Variants in ALMS1 observed in about 807,000 individuals in gnomAD.
ALMS1 encodes the protein centrosome-associated protein ALMS1.
In ALMS1, 271 loss-of-function variants were observed where a neutral mutation model predicts 352.2. That is an observed-to-expected ratio of 0.77 (90% CI 0.70 to 0.85). The LOEUF is 0.85. ALMS1 is among the 40% of genes least tolerant of loss of function. The pLI is 0.00. For missense variants in ALMS1, 5,445 were observed against 4,870.7 expected, an observed-to-expected ratio of 1.12 and a Z score of -3.51; for synonymous variants, 1,865 against 1,761.2, an observed-to-expected ratio of 1.06 and a Z score of -1.48.
At chr2:73,443,231 A>G (rs1172586701) in intron 7 of ALMS1, among the ~76,000 whole-genome samples, 1 of 152,152 alleles carries the variant, frequency 6.6e-6, no homozygotes, top group African/African-American at 2.4e-5. Flanking sequence ...TAAACTCCTT[A>G]GTACATAGTA....
At chr2:73,603,704 AC>A (rs1675751254) in intron 21 of ALMS1, 1 of 260,994 alleles carries the variant, frequency 3.8e-6, no homozygotes, top group Admixed American at 5.1e-5. Flanking sequence ...TACTCAAAAT[AC>A]AAAAATTAGC....
Position 73,490,081 on chromosome 2 carries a change from A to C in ALMS1, c.8122A>C (p.Met2708Leu), listed in dbSNP as rs371904071. ...ATCACAAATGCCGTCCCCAGAACCCATGAAAAAGTTTACTACCTCCATCAC... is the reference window on the plus strand; with the variant it reads ...ATCACAAATGCCGTCCCCAGAACCCCTGAAAAAGTTTACTACCTCCATCAC... Reference protein sequence around the residue: ...SSSQMPSPEPMKKFTTSITFS... With the variant: ...SSSQMPSPEPLKKFTTSITFS... The change falls in exon 10 of 23, where the codon ATG becomes CTG. Residue 2708 changes from methionine to leucine, a missense_variant. Coordinates refer to ENST00000613296, the MANE Select transcript of ALMS1 (RefSeq NM_001378454.1). 10 of 1,614,092 alleles carry C rather than the reference A, an allele frequency of 6.2e-6. No individual in the cohort carries two copies. The highest frequency in any genetic ancestry group is 1.3e-5 in the African/African-American group (1 of 74,932).
At chr2:73,521,116 A>G (rs1177935289) in intron 11 of ALMS1, among the ~76,000 whole-genome samples, 1 of 152,134 alleles carries the variant, frequency 6.6e-6, no homozygotes, top group African/African-American at 2.4e-5. Flanking sequence ...ATTCTTGAAC[A>G]TTTTTCTTGT....
At chr2:73,551,846 T>A (rs1674442629) in intron 13 of ALMS1, among the ~76,000 whole-genome samples, 1 of 152,224 alleles carries the variant, frequency 6.6e-6, no homozygotes, top group African/African-American at 2.4e-5. Context: ...CTGAAAATTC[T>A]GTGTGTATAA....
At chr2:73,569,699 C>G (rs1045852554) in intron 15 of ALMS1, among the ~76,000 whole-genome samples, 2 of 152,170 alleles carry the variant, frequency 1.3e-5, no homozygotes, top group African/African-American at 4.8e-5. Flanking sequence ...GCCATACATA[C>G]TGAATATTTG....
intron 1 of ALMS1, among the ~76,000 whole-genome samples, chr2:73,392,734 A>G (rs1670676170): frequency 6.6e-6 from 1 of 152,124 alleles, no homozygotes; most frequent in Non-Finnish European, 1.5e-5. Flanking sequence ...GATATTTTGT[A>G]TATCCATTCA....
chr2:73,498,211 A>G (rs1673148775), intron 10 of ALMS1, among the ~76,000 whole-genome samples: 1 of 151,810 alleles, frequency 6.6e-6, no homozygotes, highest in Non-Finnish European at 1.5e-5. Context: ...GGTGGCTGCT[A>G]ACTGCTCTGG....
chr2:73,601,763 G>A (rs1460403163), intron 19 of ALMS1, among the ~76,000 whole-genome samples: 2 of 152,254 alleles, frequency 1.3e-5, no homozygotes, highest in Non-Finnish European at 2.9e-5. Flanking sequence ...GGCCTCATGT[G>A]TGTTCCTCCA....
At chr2:73,494,732 A>G (rs2103906268) in intron 10 of ALMS1, among the ~76,000 whole-genome samples, 1 of 152,334 alleles carries the variant, frequency 6.6e-6, no homozygotes, top group East Asian at 1.9e-4. Context: ...ATGTTGATAT[A>G]CATTACTGGT....
intron 16 of ALMS1, among the ~76,000 whole-genome samples, chr2:73,579,559 C>T (rs1228002155): frequency 6.6e-6 from 1 of 152,066 alleles, no homozygotes; most frequent in Admixed American, 6.6e-5. Context: ...GTGGTTTCAC[C>T]GTGTTGGCCA....
chr2:73,463,243 C>T (rs1405771608), intron 9 of ALMS1, among the ~76,000 whole-genome samples: 1 of 152,142 alleles, frequency 6.6e-6, no homozygotes, highest in Non-Finnish European at 1.5e-5. Flanking sequence ...GAAATTATAA[C>T]AAACTATCTC....
chr2:73,533,871 G>T (rs1382992311), intron 11 of ALMS1, among the ~76,000 whole-genome samples: 1 of 152,158 alleles, frequency 6.6e-6, no homozygotes, highest in African/African-American at 2.4e-5. Flanking sequence ...TTAGCAGTCA[G>T]TACTTTTTTG....
chr2:73,385,799 T>G (rs1670501493), upstream of ALMS1: 1 of 652,582 alleles, frequency 1.5e-6, no homozygotes, highest in Non-Finnish European at 2.7e-6. Flanking sequence ...CAACCGCCAG[T>G]CAGGGCTCTC....
At chr2:73,562,150 T>C (rs1674677838) in intron 15 of ALMS1, among the ~76,000 whole-genome samples, 1 of 110,924 alleles carries the variant, frequency 9.0e-6, no homozygotes, top group South Asian at 3.0e-4. Flanking sequence ...ATTGTATGTA[T>C]GTATGTATGT....
chr2:73,397,632 T>A (rs914700690), intron 1 of ALMS1, among the ~76,000 whole-genome samples: 18 of 152,168 alleles, frequency 1.2e-4, no homozygotes, highest in African/African-American at 4.1e-4. Flanking sequence ...CACGCTCAGC[T>A]AATTATTTTT....
chr2:73,407,121 T>C (rs1558632869), intron 1 of ALMS1, among the ~76,000 whole-genome samples: 1 of 152,338 alleles, frequency 6.6e-6, no homozygotes, highest in East Asian at 1.9e-4. Context: ...GAGGGCCTTC[T>C]TGCTGATGGG....
At chr2:73,447,899 A>G (rs1671838191) in intron 7 of ALMS1, 61 bp from the exon 8 acceptor site, 6 of 1,493,530 alleles carry the variant, frequency 4.0e-6, no homozygotes, top group Non-Finnish European at 5.3e-6. Flanking sequence ...GCTTTTTTCC[A>G]GCACATAGAA....
chr2:73,604,402 AAAT>A (rs1675770201), intron 21 of ALMS1, among the ~76,000 whole-genome samples: 1 of 152,230 alleles, frequency 6.6e-6, no homozygotes, highest in South Asian at 2.1e-4. Flanking sequence ...TGTATTCAAA[AAAT>A]AATAAATACA....
At chr2:73,596,213 A>G (rs1235189345) in intron 16 of ALMS1, among the ~76,000 whole-genome samples, 6 of 152,270 alleles carry the variant, frequency 3.9e-5, no homozygotes, top group Admixed American at 1.3e-4. Context: ...ATATTCTCCT[A>G]TGTTTTTCAT....
Sources: allele counts gnomAD v4.1 joint callset (sites outside exome capture counted in the v4.1 genomes callset), GRCh38; gene constraint gnomAD v4.1.1; transcripts MANE v1.5; gene names NCBI Gene and HGNC (gene_info 2026-07-23, HGNC 2026-07-21).